The following CTNNA2 variants were observed in gnomAD, a reference collection of about 807,000 sequenced individuals.
The protein encoded by CTNNA2 is catenin alpha-2.
In CTNNA2, 42 loss-of-function variants were observed where a neutral mutation model predicts 101.0. The observed-to-expected ratio is 0.42, with a 90% confidence interval of 0.32 to 0.54. The LOEUF (loss-of-function observed/expected upper bound fraction) is 0.54, where lower values mean the gene tolerates loss of function less well. Among genes scored for constraint, CTNNA2 ranks in the 20% least tolerant of loss-of-function variants. The pLI is 0.14. For synonymous variants in CTNNA2, 450 were observed against 456.4 expected, an observed-to-expected ratio of 0.99 and a Z score of 0.18; for missense variants, 871 against 1,223.1, an observed-to-expected ratio of 0.71 and a Z score of 4.29.
intron 7 of CTNNA2, among the ~76,000 whole-genome samples, chr2:79,928,535 A>G (rs1687182624): frequency 6.6e-6 from 1 of 152,192 alleles, no homozygotes; most frequent in Non-Finnish European, 1.5e-5. Context: ...GATAGAGAAT[A>G]GGGTATTTTG....
At chr2:80,028,587 G>A (rs1020907248) in intron 7 of CTNNA2, among the ~76,000 whole-genome samples, 4 of 152,218 alleles carry the variant, frequency 2.6e-5, no homozygotes, top group Non-Finnish European at 5.9e-5. Context: ...GGTGACACCT[G>A]TAATATATTA....
At chr2:79,544,220 G>A (rs1673590937) in intron 1 of CTNNA2, among the ~76,000 whole-genome samples, 1 of 152,220 alleles carries the variant, frequency 6.6e-6, no homozygotes, top group South Asian at 2.1e-4. Flanking sequence ...TTACAGGCAT[G>A]AGCCACCGCG....
intron 2 of CTNNA2, among the ~76,000 whole-genome samples, chr2:79,682,752 G>A (rs1490608759): frequency 2.6e-5 from 4 of 152,046 alleles, no homozygotes; most frequent in Admixed American, 2.0e-4. Flanking sequence ...TTTAGTGTAA[G>A]TAAAATAGAT....
intron 9 of CTNNA2, among the ~76,000 whole-genome samples, chr2:80,511,875 G>A (rs965929420): frequency 6.6e-6 from 1 of 152,058 alleles, no homozygotes; most frequent in Non-Finnish European, 1.5e-5. Context: ...GGAGGGCCAG[G>A]CGTGGTGGCT....
chr2:80,432,235 C>A (rs868358724), intron 9 of CTNNA2, among the ~76,000 whole-genome samples: 2 of 152,126 alleles, frequency 1.3e-5, no homozygotes, highest in Non-Finnish European at 2.9e-5. Context: ...TCCCTCAAAG[C>A]CACTCCAGTA....
chr2:80,499,277 T>A (rs1687693030), intron 9 of CTNNA2, among the ~76,000 whole-genome samples: 1 of 152,218 alleles, frequency 6.6e-6, no homozygotes, highest in Non-Finnish European at 1.5e-5. Flanking sequence ...TGTTATTCTA[T>A]GTGAATGGTG....
intron 7 of CTNNA2, among the ~76,000 whole-genome samples, chr2:80,126,190 G>T (rs1315086438): frequency 6.6e-6 from 1 of 152,056 alleles, no homozygotes; most frequent in East Asian, 1.9e-4. Flanking sequence ...ATGAGGCAAG[G>T]TATTATAAAA....
In CTNNA2 at chr2:80,362,429, A is replaced by T. The variant is rs116700725; in HGVS notation, c.1057-30782A>T. Among the ~76,000 whole-genome samples the T allele has an allele frequency of 6.9e-3, 1,043 of 152,244 alleles. 8 individuals are homozygous for T. Among genetic ancestry groups the T allele is most frequent in the Non-Finnish European group, 0.012 (824 of 67,994 alleles). Reference sequence around the variant, plus strand: ...TTTTGATTTGTGCTTACCCTTACACATCTTAGGAAGCCACTCAATCTTCTT... The same window carrying T: ...TTTTGATTTGTGCTTACCCTTACACTTCTTAGGAAGCCACTCAATCTTCTT... On this transcript the variant is annotated intron_variant, in intron 7 of 18. Transcript: ENST00000402739.
At chr2:80,140,932 T>C (rs1444332546) in intron 7 of CTNNA2, among the ~76,000 whole-genome samples, 1 of 152,176 alleles carries the variant, frequency 6.6e-6, no homozygotes, top group African/African-American at 2.4e-5. Context: ...TGCAAACAGA[T>C]GGAAGTTAAC....
chr2:79,349,691 G>A (rs1275041975), intron 3 of CTNNA2, among the ~76,000 whole-genome samples: 5 of 152,140 alleles, frequency 3.3e-5, no homozygotes, highest in African/African-American at 7.2e-5. Context: ...ACTGTTTCAG[G>A]AAAGCATCAA....
intron 4 of CTNNA2, among the ~76,000 whole-genome samples, chr2:79,450,215 G>A (rs1678875435): frequency 6.6e-6 from 1 of 151,384 alleles, no homozygotes; most frequent in South Asian, 2.1e-4. Flanking sequence ...CACCTGTCTT[G>A]GTCACATTTA....
chr2:80,220,713 C>G (rs1708526030), intron 7 of CTNNA2, among the ~76,000 whole-genome samples: 1 of 152,266 alleles, frequency 6.6e-6, no homozygotes, highest in East Asian at 1.9e-4. Context: ...GGTGTAGGAG[C>G]CCACCATATG....
intron 9 of CTNNA2, among the ~76,000 whole-genome samples, chr2:80,537,063 T>C (rs527695665): frequency 8.3e-4 from 127 of 152,248 alleles, no homozygotes; most frequent in African/African-American, 2.6e-3. Context: ...TCCTAATGCT[T>C]TCCCTCCCCT....
chr2:79,217,893 C>T (rs560544089), intron 2 of CTNNA2, among the ~76,000 whole-genome samples: 57 of 152,298 alleles, frequency 3.7e-4, no homozygotes, highest in African/African-American at 1.2e-3. Flanking sequence ...TTGTTGTTTA[C>T]TTCTTTAACT....
intron 17 of CTNNA2, among the ~76,000 whole-genome samples, chr2:80,614,264 C>A (rs1698676937): frequency 6.6e-6 from 1 of 151,158 alleles, no homozygotes; most frequent in South Asian, 2.1e-4. Flanking sequence ...ATGCAACCAA[C>A]CTGGGATTGA....
chr2:79,665,942 T>C (rs34657898), intron 2 of CTNNA2, among the ~76,000 whole-genome samples: 8,729 of 152,268 alleles, frequency 0.057, 315 homozygotes, highest in Non-Finnish European at 0.073. Flanking sequence ...GCTGAAATGG[T>C]AATTTCATTC....
chr2:80,202,952 G>A (rs1707298050), intron 7 of CTNNA2, among the ~76,000 whole-genome samples: 1 of 152,172 alleles, frequency 6.6e-6, no homozygotes, highest in South Asian at 2.1e-4. Flanking sequence ...CATGGCAGAA[G>A]GAAAGGAGGA....
chr2:80,208,093 A>T (rs1573392204), intron 7 of CTNNA2, among the ~76,000 whole-genome samples: 1 of 152,206 alleles, frequency 6.6e-6, no homozygotes. Context: ...CTTAAGCAAG[A>T]CCAATCCCTG....
intron 9 of CTNNA2, among the ~76,000 whole-genome samples, chr2:80,520,626 A>G (rs1244253346): frequency 6.6e-6 from 1 of 152,106 alleles, no homozygotes; most frequent in African/African-American, 2.4e-5. Flanking sequence ...TTTGCTCTGT[A>G]GTTTCTGCTT....
Sources: allele counts gnomAD v4.1 joint callset (sites outside exome capture counted in the v4.1 genomes callset), GRCh38; gene constraint gnomAD v4.1.1; transcripts MANE v1.5; gene names NCBI Gene and HGNC (gene_info 2026-07-23, HGNC 2026-07-21).